The following MTUS2 variants were observed in gnomAD, a reference collection of about 807,000 sequenced individuals.
The protein encoded by MTUS2 is microtubule associated scaffold protein 2, also known as microtubule-associated tumor suppressor candidate 2.
Under a neutral mutation model 114.1 loss-of-function variants are expected in MTUS2, and 40 were observed. The ratio of observed to expected loss-of-function variants is 0.35; its 90% CI spans 0.27 to 0.46. The LOEUF is 0.46. Ranked by LOEUF, MTUS2 falls within the 20% of genes least tolerant of loss-of-function variation. The pLI is 1.00. For synonymous variants in MTUS2, 688 were observed against 672.0 expected (o/e 1.02, Z -0.37); for missense variants, 1,679 against 1,705.4 (o/e 0.98, Z 0.27).
intron 9 of MTUS2, among the ~76,000 whole-genome samples, chr13:29,447,905 A>T (rs749176294): frequency 1.8e-4 from 28 of 152,132 alleles, no homozygotes; most frequent in Admixed American, 6.5e-5. Context: ...GATTTTTCTG[A>T]TGGAACACCA....
rs1472832968 is a variant in MTUS2, at chr13:28,858,129, C to T, written c.-243+18279C>T. Among the ~76,000 whole-genome samples the T allele has an allele frequency of 2.6e-5, 4 of 152,120 alleles. No individual in the cohort carries two copies. In the East Asian group the frequency reaches 7.7e-4, roughly 29 times the overall value. Reference sequence around the variant, plus strand: ...TGTGCCTTTCCCTTAGAGGCTAGGTCTTCATATGCTTGGGAGTTTCAGGAT... The same window carrying T: ...TGTGCCTTTCCCTTAGAGGCTAGGTTTTCATATGCTTGGGAGTTTCAGGAT... On this transcript the variant is annotated intron_variant, in intron 2 of 15. Transcript: ENST00000612955.
intron 8 of MTUS2, 79 bp from the exon 9 acceptor site, chr13:29,439,904 G>A (rs757424396): frequency 8.3e-6 from 9 of 1,079,904 alleles, no homozygotes; most frequent in Non-Finnish European, 9.7e-6. Flanking sequence ...TGCTTAATAC[G>A]ATTCATTAAT....
chr13:29,417,178 C>T (rs1321459979), intron 8 of MTUS2, among the ~76,000 whole-genome samples: 1 of 152,100 alleles, frequency 6.6e-6, no homozygotes, highest in Non-Finnish European at 1.5e-5. Flanking sequence ...GGAGCCAGTG[C>T]ATCACATGGA....
intron 5 of MTUS2, among the ~76,000 whole-genome samples, chr13:29,248,457 T>A (rs990081182): frequency 5.3e-5 from 8 of 152,156 alleles, no homozygotes; most frequent in African/African-American, 1.2e-4. Context: ...TTTAAAAAAA[T>A]TTTTAAATAT....
At chr13:29,048,395 T>C (rs1273018579) in intron 4 of MTUS2, among the ~76,000 whole-genome samples, 1 of 152,250 alleles carries the variant, frequency 6.6e-6, no homozygotes, top group Non-Finnish European at 1.5e-5. Context: ...ATAACCCTGC[T>C]TGTTTGCATC....
At chr13:29,256,844 T>G (rs1466695331) in intron 5 of MTUS2, among the ~76,000 whole-genome samples, 3 of 152,198 alleles carry the variant, frequency 2.0e-5, no homozygotes. Context: ...CTCATTAGCA[T>G]ATCTCAACCG....
At chr13:28,877,028 C>T (rs1369140223) in intron 2 of MTUS2, among the ~76,000 whole-genome samples, 1 of 151,492 alleles carries the variant, frequency 6.6e-6, no homozygotes, top group Non-Finnish European at 1.5e-5. Flanking sequence ...TATGGTGGCT[C>T]ACTCCTGTAA....
At chr13:29,033,572 A>G (rs1449594355) in intron 3 of MTUS2, among the ~76,000 whole-genome samples, 1 of 152,114 alleles carries the variant, frequency 6.6e-6, no homozygotes, top group African/African-American at 2.4e-5. Flanking sequence ...TGACATTTAT[A>G]GTTTGGCTAC....
chr13:29,240,927 G>C (rs1896707290), intron 5 of MTUS2, among the ~76,000 whole-genome samples: 1 of 151,982 alleles, frequency 6.6e-6, no homozygotes, highest in African/African-American at 2.4e-5. Context: ...TTATAAAAAA[G>C]AAAAATTATA....
chr13:28,988,285 G>A (rs1884677576), intron 2 of MTUS2, among the ~76,000 whole-genome samples: 1 of 152,160 alleles, frequency 6.6e-6, no homozygotes, highest in African/African-American at 2.4e-5. Context: ...CAAGACTTGA[G>A]CTCAGCTATT....
At chr13:29,428,206 T>C (rs1159283671) in intron 8 of MTUS2, among the ~76,000 whole-genome samples, 2 of 152,270 alleles carry the variant, frequency 1.3e-5, no homozygotes, top group African/African-American at 2.4e-5. Flanking sequence ...GCGGTTCCCA[T>C]TAGCAACAAA....
intron 2 of MTUS2, among the ~76,000 whole-genome samples, chr13:28,862,428 T>C (rs1490749380): frequency 6.6e-6 from 1 of 152,104 alleles, no homozygotes. Flanking sequence ...CTGGCCAATA[T>C]GGTAAAACCC....
chr13:29,282,221 T>G (rs1377538446), intron 6 of MTUS2, among the ~76,000 whole-genome samples: 5 of 152,258 alleles, frequency 3.3e-5, no homozygotes, highest in African/African-American at 1.2e-4. Context: ...CCTCCAGGAA[T>G]GAGCCCCAGA....
intron 2 of MTUS2, among the ~76,000 whole-genome samples, chr13:28,972,779 A>G (rs1883912067): frequency 6.6e-6 from 1 of 152,122 alleles, no homozygotes; most frequent in African/African-American, 2.4e-5. Context: ...TGAATTATTT[A>G]AACACAAAAA....
In MTUS2 at chr13:29,501,137, T is replaced by G; in HGVS notation, c.3839T>G (p.Leu1280Arg). 1 of 1,614,170 alleles carries G rather than the reference T, an allele frequency of 6.2e-7. No individual in the cohort carries two copies. Among genetic ancestry groups the G allele is most frequent in the East Asian group, 2.2e-5 (1 of 44,888 alleles). ...NIILEEKIQV[L>R]QQQNEDLKAR... ...ATCCTAGAAGAAAAGATCCAGGTTC[T>G]CCAACAGCAGAACGAAGACCTCAAA... The change falls in exon 15 of 16, where the codon CTC becomes CGC. Residue 1280 changes from leucine (L) to arginine (R), a missense_variant. Physicochemically the swap from Leu to Arg is moderately radical, Grantham distance 102 (BLOSUM62 -2). Coordinates refer to ENST00000612955, the MANE Select transcript of MTUS2 (RefSeq NM_001033602.4).
intron 5 of MTUS2, among the ~76,000 whole-genome samples, chr13:29,217,065 G>A (rs967869688): frequency 5.9e-5 from 9 of 152,058 alleles, no homozygotes; most frequent in East Asian, 3.9e-4. Context: ...GGAAATAGAC[G>A]TTAATTACCC....
At chr13:28,991,658 G>A (rs1251288117) in intron 2 of MTUS2, among the ~76,000 whole-genome samples, 2 of 152,140 alleles carry the variant, frequency 1.3e-5, no homozygotes, top group African/African-American at 2.4e-5. Flanking sequence ...GTGAGCCACC[G>A]CGCCCGGGTG....
At chr13:28,882,376 C>G (rs1354216015) in intron 2 of MTUS2, among the ~76,000 whole-genome samples, 1 of 152,086 alleles carries the variant, frequency 6.6e-6, no homozygotes, top group Non-Finnish European at 1.5e-5. Context: ...GATCATAGAC[C>G]TAAATGTAAG....
chr13:29,227,795 C>G (rs559834230), intron 5 of MTUS2, among the ~76,000 whole-genome samples: 6 of 152,294 alleles, frequency 3.9e-5, no homozygotes, highest in African/African-American at 1.4e-4. Flanking sequence ...ATTATGCAAT[C>G]TAGGGCCTCT....
Sources: allele counts gnomAD v4.1 joint callset (sites outside exome capture counted in the v4.1 genomes callset), GRCh38; gene constraint gnomAD v4.1.1; transcripts MANE v1.5; gene names NCBI Gene and HGNC (gene_info 2026-07-23, HGNC 2026-07-21).